The following CADPS2 variants were observed in gnomAD, a reference collection of about 807,000 sequenced individuals.
The protein encoded by CADPS2 is calcium-dependent secretion activator 2.
Under a neutral mutation model 172.5 loss-of-function variants are expected in CADPS2, and 93 were observed. That is an observed-to-expected ratio of 0.54 (90% CI 0.46 to 0.64). The LOEUF (loss-of-function observed/expected upper bound fraction) is 0.64. CADPS2 is among the 30% of genes least tolerant of loss of function. The probability of loss-of-function intolerance (pLI) is 0.00; values close to 1 mark genes in which losing one functional copy is unlikely to be tolerated. For synonymous variants in CADPS2, 546 were observed against 555.2 expected, an observed-to-expected ratio of 0.98 and a Z score of 0.23; for missense variants, 1,420 against 1,565.9, an observed-to-expected ratio of 0.91 and a Z score of 1.57.
intron 1 of CADPS2, among the ~76,000 whole-genome samples, chr7:122,824,587 A>T (rs1297432305): frequency 6.6e-6 from 1 of 152,164 alleles, no homozygotes; most frequent in African/African-American, 2.4e-5. Flanking sequence ...TAGTTATTAC[A>T]TCTTCCTAAT....
chr7:122,705,719 A>AATATT (rs1488170032), intron 2 of CADPS2, among the ~76,000 whole-genome samples: 1 of 8,106 alleles, frequency 1.2e-4, no homozygotes, highest in Non-Finnish European at 3.2e-4. Context: ...TATATTATAT[A>AATATT]ATATATCATA....
chr7:122,600,497 T>G lies in CADPS2; in HGVS notation c.1223+14684A>C, dbSNP rs77256000. ...TAGTAAGTCTCATCAAAAAAGTGACTAATCACATTAAGTCCACAAACTTGC... is the reference window on the plus strand; with the variant it reads ...TAGTAAGTCTCATCAAAAAAGTGACGAATCACATTAAGTCCACAAACTTGC... On this transcript the variant is annotated intron_variant, in intron 6 of 29. Coordinates refer to ENST00000449022, the MANE Select transcript of CADPS2 (RefSeq NM_017954.11). Among the ~76,000 whole-genome samples, 794 of 152,218 alleles carry G rather than the reference T, an allele frequency of 5.2e-3. 10 individuals are homozygous for G. Among genetic ancestry groups the G allele is most frequent in the African/African-American group, 0.018 (764 of 41,554 alleles).
chr7:122,799,462 G>C (rs1226781526), intron 1 of CADPS2, among the ~76,000 whole-genome samples: 1 of 151,958 alleles, frequency 6.6e-6, no homozygotes, highest in Non-Finnish European at 1.5e-5. Flanking sequence ...AATTAGCCGG[G>C]CGTGGTGGTG....
At position 122,441,508 on chromosome 7, in the gene CADPS2, A is replaced by T; in HGVS notation, c.2352+4T>A. ...AGTATTTATAAAGTAATGTTCAAAC[A>T]TACCCTTTCAAGTAATGAAAGTGTA... On this transcript the variant is annotated splice_donor_region_variant and intron_variant, in intron 16 of 29. Transcript: ENST00000449022. The T allele has an allele frequency of 3.3e-6, 5 of 1,520,744 alleles. No homozygotes were observed. The highest frequency in any genetic ancestry group is 4.4e-6 in the Non-Finnish European group (5 of 1,132,336). The allele number at this position is 1,520,744 out of a possible 1,614,324, so 94.2% of individuals were successfully genotyped here. A position where few individuals can be genotyped will look rare whatever the true frequency, so the allele number is the denominator to read the frequency against.
chr7:122,660,373 C>T (rs2159828), intron 3 of CADPS2, among the ~76,000 whole-genome samples: 150,354 of 152,172 alleles, frequency 0.99, 74,304 homozygotes, highest in East Asian at 1. Flanking sequence ...AATTTTGTTT[C>T]GTTTTTTAAA....
intron 18 of CADPS2, among the ~76,000 whole-genome samples, chr7:122,414,998 G>A (rs2151746154): frequency 6.6e-6 from 1 of 152,190 alleles, no homozygotes; most frequent in Non-Finnish European, 1.5e-5. Context: ...CTCAAAGTCA[G>A]AAAACTCTTT....
chr7:122,555,303 G>A (rs559833323), intron 7 of CADPS2, among the ~76,000 whole-genome samples: 2 of 152,158 alleles, frequency 1.3e-5, no homozygotes, highest in African/African-American at 4.8e-5. Flanking sequence ...AAATTGACAA[G>A]TGATTATTTC....
At chr7:122,427,240 T>C (rs1436329372) in intron 17 of CADPS2, 2 of 152,182 alleles carry the variant, frequency 1.3e-5, no homozygotes, top group Non-Finnish European at 2.9e-5. Flanking sequence ...GTGGGGAATC[T>C]GGGATATATT....
At chr7:122,636,922 G>T (rs1246308491) in intron 3 of CADPS2, among the ~76,000 whole-genome samples, 1 of 151,978 alleles carries the variant, frequency 6.6e-6, no homozygotes, top group Non-Finnish European at 1.5e-5. Context: ...AATTTTCATG[G>T]ACTATATCCT....
At chr7:122,438,733 A>T (rs1382564278) in intron 16 of CADPS2, among the ~76,000 whole-genome samples, 2 of 152,014 alleles carry the variant, frequency 1.3e-5, no homozygotes, top group Admixed American at 6.6e-5. Flanking sequence ...CCAGGTCACC[A>T]TTCAGTGTGA....
chr7:122,657,939 A>G (rs900313418), intron 3 of CADPS2, among the ~76,000 whole-genome samples: 3 of 152,186 alleles, frequency 2.0e-5, no homozygotes, highest in Non-Finnish European at 2.9e-5. Flanking sequence ...AGCTGCCATC[A>G]GAGTGAACAG....
intron 3 of CADPS2, among the ~76,000 whole-genome samples, chr7:122,647,501 G>C (rs1341406681): frequency 2.6e-5 from 4 of 152,158 alleles, no homozygotes; most frequent in Non-Finnish European, 1.5e-5. Flanking sequence ...GTAACAAAAA[G>C]CTAGAAGTAA....
intron 1 of CADPS2, among the ~76,000 whole-genome samples, chr7:122,815,344 T>G (rs1266768901): frequency 6.6e-6 from 1 of 152,142 alleles, no homozygotes; most frequent in Non-Finnish European, 1.5e-5. Flanking sequence ...CAAGGAATAC[T>G]CAAGAGCTAT....
In CADPS2 at chr7:122,318,673, AGAAG is replaced by A. The variant is rs1262011939; in HGVS notation, c.*1488_*1491del. 2 of 152,330 alleles carry A rather than the reference AGAAG, an allele frequency of 1.3e-5. No individual in the cohort carries two copies. Among genetic ancestry groups the A allele is most frequent in the Middle Eastern group, 3.4e-3 (1 of 294 alleles). 9.4% of individuals were successfully genotyped at this position (152,330 alleles called of 1,614,324 possible). ...GGTAGAGTTAGTCTTTAATCCCGGA[AGAAG>A]GAAGAAATTTCCTTGTTTGTTATCT... On this transcript the variant is annotated 3_prime_UTR_variant, in exon 30 of 30. Transcript: ENST00000449022.
intron 3 of CADPS2, among the ~76,000 whole-genome samples, chr7:122,639,326 T>C (rs1283456546): frequency 6.6e-6 from 1 of 152,222 alleles, no homozygotes; most frequent in Admixed American, 6.5e-5. Flanking sequence ...ATGAGCATTT[T>C]CCTAAAGGCA....
intron 4 of CADPS2, among the ~76,000 whole-genome samples, chr7:122,628,588 G>A (rs1336631406): frequency 1.3e-5 from 2 of 151,462 alleles, no homozygotes; most frequent in Non-Finnish European, 2.9e-5. Context: ...TATCATTGAA[G>A]TAAGTTAATA....
chr7:122,803,994 A>AAAAAC lies in CADPS2; in HGVS notation c.340-66931_340-66927dup, dbSNP rs1554446776. Among the ~76,000 whole-genome samples the AAAAAC allele has an allele frequency of 2.9e-4, 43 of 148,150 alleles. 2 individuals carry two copies. Among genetic ancestry groups the AAAAAC allele is most frequent in the African/African-American group, 5.8e-4 (23 of 39,328 alleles). ...GAATGGAAAAAAAAAAAAAAAAAAAAAAAACACTGCAAAGCACACTCTGAA... is the reference window on the plus strand; with the variant it reads ...GAATGGAAAAAAAAAAAAAAAAAAAAAAAACAAAACACTGCAAAGCACACTCTGAA... On this transcript the variant is annotated intron_variant, in intron 1 of 29. Transcript: ENST00000449022.
chr7:122,646,121 T>C (rs1379688762), intron 3 of CADPS2, among the ~76,000 whole-genome samples: 1 of 151,994 alleles, frequency 6.6e-6, no homozygotes, highest in Non-Finnish European at 1.5e-5. Flanking sequence ...AAGAGTTCAA[T>C]TTATACAGCA....
Position 122,568,976 on chromosome 7 carries a change from AG to A in CADPS2, c.1335+12202del, listed in dbSNP as rs1368860027. Among the ~76,000 whole-genome samples, 7 of 152,156 alleles carry A rather than the reference AG, an allele frequency of 4.6e-5. No individual in the cohort carries two copies. In the South Asian group the frequency reaches 1.4e-3, roughly 31 times the overall value. On this transcript the variant is annotated intron_variant, in intron 7 of 29. Coordinates refer to ENST00000449022, the MANE Select transcript of CADPS2 (RefSeq NM_017954.11). Reference sequence around the variant, plus strand: ...TTCCCTTTGAAAACTGGCACAAGACAGGGATGCCCTCTCTCACCACTCCTAT... The same window carrying A: ...TTCCCTTTGAAAACTGGCACAAGACAGGATGCCCTCTCTCACCACTCCTAT...
Sources: allele counts gnomAD v4.1 joint callset (sites outside exome capture counted in the v4.1 genomes callset), GRCh38; gene constraint gnomAD v4.1.1; transcripts MANE v1.5; gene names NCBI Gene and HGNC (gene_info 2026-07-23, HGNC 2026-07-21).